The following NECTIN3 variants were observed in gnomAD, a reference collection of about 807,000 sequenced individuals.
NECTIN3 encodes nectin cell adhesion molecule 3, also known as nectin-3.
NECTIN3 carries 8 observed loss-of-function variants against 49.4 expected under a neutral mutation model. The observed-to-expected ratio is 0.16, with a 90% CI of 0.10 to 0.29. NECTIN3 has a LOEUF of 0.29. Ranked by LOEUF, NECTIN3 falls within the 10% of genes least tolerant of loss-of-function variation. The pLI, the probability that NECTIN3 is intolerant of heterozygous loss-of-function variation, is 1.00. For missense variants in NECTIN3, 581 were observed against 654.6 expected (o/e 0.89, Z 1.23); for synonymous variants, 277 against 241.1 (o/e 1.15, Z -1.38).
chr3:111,141,792 G>C (rs575287531), downstream of NECTIN3, among the ~76,000 whole-genome samples: 86 of 151,912 alleles, frequency 5.7e-4, no homozygotes, highest in Non-Finnish European at 1.6e-4. Context: ...TCTGCCTCTT[G>C]TAAGCATATA....
At chr3:111,191,180 G>T (rs188517033), upstream of NECTIN3, among the ~76,000 whole-genome samples, 15 of 152,244 alleles carry the variant, frequency 9.9e-5, no homozygotes, top group African/African-American at 3.6e-4. Flanking sequence ...ACAGAATTTG[G>T]AATTAGACAA....
chr3:111,119,767 A>C (rs148877963), intron 3 of NECTIN3, among the ~76,000 whole-genome samples: 1 of 152,234 alleles, frequency 6.6e-6, no homozygotes, highest in South Asian at 2.1e-4. Context: ...AGCTTATAGC[A>C]AAGATAATGA....
intron 7 of NECTIN3, among the ~76,000 whole-genome samples, chr3:111,169,282 G>A (rs980577020): frequency 1.3e-5 from 2 of 151,042 alleles, no homozygotes; most frequent in African/African-American, 4.9e-5. Context: ...ATTAGAGACG[G>A]GGTTTCACCA....
At chr3:111,092,191 C>A (rs907049178) in intron 1 of NECTIN3, among the ~76,000 whole-genome samples, 1 of 152,172 alleles carries the variant, frequency 6.6e-6, no homozygotes, top group Non-Finnish European at 1.5e-5. Flanking sequence ...AAGATATATT[C>A]TAGAGACAAG....
rs11322721 is a variant in NECTIN3 at position 111,080,678 on chromosome 3, C to CA, written c.160+8516dup. Among the ~76,000 whole-genome samples the CA allele has an allele frequency of 1.1e-3, 138 of 129,110 alleles. 1 individual carries two copies. Among genetic ancestry groups the CA allele is most frequent in the African/African-American group, 3.7e-3 (125 of 34,178 alleles). 84.7% of individuals were successfully genotyped at this position (129,110 alleles called of 152,430 possible). On this transcript the variant is annotated intron_variant, in intron 1 of 5. Coordinates refer to ENST00000485303, the MANE Select transcript of NECTIN3 (RefSeq NM_015480.3). ...TCACAGTTAATCTATATATGTCATG[C>CA]AAAAAAAAAAAAAAAGGACTTAGAG...
At chr3:111,158,949 T>C (rs1057452843) in intron 7 of NECTIN3, among the ~76,000 whole-genome samples, 2 of 152,126 alleles carry the variant, frequency 1.3e-5, no homozygotes, top group African/African-American at 4.8e-5. Context: ...TTTGTCAAAA[T>C]GTACTAATGG....
intron 1 of NECTIN3, among the ~76,000 whole-genome samples, chr3:111,193,894 A>G (rs1311557373): frequency 6.6e-6 from 1 of 152,216 alleles, no homozygotes; most frequent in East Asian, 1.9e-4. Flanking sequence ...CTGAGGAAAG[A>G]GGCAAAATTT....
At chr3:111,126,765 T>C (rs76464851) in intron 5 of NECTIN3, among the ~76,000 whole-genome samples, 4,040 of 152,274 alleles carry the variant, frequency 0.027, 127 homozygotes, top group African/African-American at 0.078. Flanking sequence ...TTAAATAGCG[T>C]TGTTTCCCAC....
intron 1 of NECTIN3, among the ~76,000 whole-genome samples, chr3:111,100,185 A>G (rs2032821267): frequency 6.6e-6 from 1 of 152,108 alleles, no homozygotes; most frequent in Non-Finnish European, 1.5e-5. Flanking sequence ...TTGGATTATT[A>G]ATGAATGTTG....
chr3:111,078,465 G>C (rs141480533), intron 1 of NECTIN3, among the ~76,000 whole-genome samples: 362 of 152,184 alleles, frequency 2.4e-3, no homozygotes, highest in African/African-American at 8.3e-3. Context: ...TAATACATTT[G>C]GGAATAGGAA....
intron 7 of NECTIN3, among the ~76,000 whole-genome samples, chr3:111,164,695 C>G (rs1205197348): frequency 6.6e-6 from 1 of 152,136 alleles, no homozygotes; most frequent in East Asian, 1.9e-4. Context: ...GGTGTTCTTC[C>G]TCTCTATAAC....
At chr3:111,092,858 G>A (rs560493737) in intron 1 of NECTIN3, among the ~76,000 whole-genome samples, 151 of 152,254 alleles carry the variant, frequency 9.9e-4, no homozygotes, top group African/African-American at 3.6e-3. Flanking sequence ...GGTAGGATTT[G>A]GATAAGAGAG....
At chr3:111,138,756 A>G (rs1164782765), downstream of NECTIN3, among the ~76,000 whole-genome samples, 2 of 151,640 alleles carry the variant, frequency 1.3e-5, no homozygotes, top group Admixed American at 6.6e-5. Context: ...GACCTTTTAG[A>G]GCAATAACTT....
chr3:111,181,715 G>A (rs2035629447), intron 7 of NECTIN3, among the ~76,000 whole-genome samples: 1 of 151,852 alleles, frequency 6.6e-6, no homozygotes, highest in African/African-American at 2.4e-5. Context: ...TAATTTATAT[G>A]GGATCAGCAG....
chr3:111,134,419 G>C lies in NECTIN3; in HGVS notation c.*204G>C. The C allele has an allele frequency of 1.6e-6, 2 of 1,266,628 alleles. No homozygotes were observed. Among genetic ancestry groups the C allele is most frequent in the African/African-American group, 1.5e-5 (1 of 64,836 alleles). 78.5% of individuals were successfully genotyped at this position (1,266,628 alleles called of 1,614,324 possible). A position where few individuals can be genotyped will look rare whatever the true frequency, so the allele number is the denominator to read the frequency against. Reference sequence around the variant, plus strand: ...TGCTTTACAATTTTTTTTCAATGCTGTACTACTGTCTCAAGATTTAAATTT... The same window carrying C: ...TGCTTTACAATTTTTTTTCAATGCTCTACTACTGTCTCAAGATTTAAATTT... On this transcript the variant is annotated 3_prime_UTR_variant, in exon 6 of 6. Transcript: ENST00000485303.
intron 7 of NECTIN3, among the ~76,000 whole-genome samples, chr3:111,148,262 T>C (rs1310220273): frequency 2.6e-5 from 4 of 152,218 alleles, no homozygotes. Context: ...GGAAAAATTC[T>C]AAAGGAATGT....
At chr3:111,126,105 A>G (rs906832909) in intron 4 of NECTIN3, 79 bp from the exon 5 acceptor site, 2 of 1,013,098 alleles carry the variant, frequency 2.0e-6, no homozygotes, top group Non-Finnish European at 1.3e-6. Context: ...TCTCAAACAT[A>G]TAATGCCTCA....
chr3:111,149,601 C>CA (rs200792462), intron 7 of NECTIN3, among the ~76,000 whole-genome samples: 1,558 of 151,764 alleles, frequency 0.01, 33 homozygotes, highest in African/African-American at 0.034. Context: ...ACCCTCCTCC[C>CA]ATGGACTTTT....
chr3:111,137,541 A>T lies in NECTIN3; in HGVS notation c.*3326A>T, dbSNP rs191076745. 3.5e-3 allele frequency: 3,339 copies of T among 959,444 alleles called. 11 individuals are homozygous for T. Among genetic ancestry groups the T allele is most frequent in the Non-Finnish European group, 3.9e-3 (3,181 of 808,928 alleles). The allele number at this position is 959,444 out of a possible 1,614,324, so 59.4% of individuals were successfully genotyped here. On this transcript the variant is annotated 3_prime_UTR_variant, in exon 6 of 6. Transcript: ENST00000485303. ...TGCATGAAATCTTTAAATAAAAGTT[A>T]AAAAAGTTCTTTAGAGGCATATTTC... is the stretch of plus-strand genomic sequence containing the variant.
Sources: allele counts gnomAD v4.1 joint callset (sites outside exome capture counted in the v4.1 genomes callset), GRCh38; gene constraint gnomAD v4.1.1; transcripts MANE v1.5; gene names NCBI Gene and HGNC (gene_info 2026-07-23, HGNC 2026-07-21).